Variants in NPFFR2 observed in about 807,000 individuals in gnomAD.
NPFFR2 encodes neuropeptide FF receptor 2.
In NPFFR2, 15 loss-of-function variants were observed where a neutral mutation model predicts 13.1. The observed-to-expected ratio is 1.15, with a 90% confidence interval of 0.77 to 1.76. The LOEUF (loss-of-function observed/expected upper bound fraction) is 1.76. Ranked by LOEUF, NPFFR2 falls within the 40% of genes most tolerant of loss-of-function variation. NPFFR2 has a pLI of 0.00. For missense variants in NPFFR2, 572 were observed against 503.5 expected (o/e 1.14, Z -1.30); for synonymous variants, 190 against 175.7 (o/e 1.08, Z -0.65).
intron 1 of NPFFR2, among the ~76,000 whole-genome samples, chr4:72,045,976 G>GAT (rs1339928370): frequency 6.6e-6 from 1 of 151,890 alleles, no homozygotes; most frequent in Non-Finnish European, 1.5e-5. Flanking sequence ...TGCATAAGGA[G>GAT]ATATATATAA....
intron 1 of NPFFR2, among the ~76,000 whole-genome samples, chr4:72,093,630 C>T (rs1720971215): frequency 7.2e-6 from 1 of 138,662 alleles, no homozygotes; most frequent in Non-Finnish European, 1.7e-5. Context: ...ATTGCTGAGA[C>T]TTTCCAGTGC....
chr4:72,087,430 A>T (rs1233161374), intron 1 of NPFFR2, among the ~76,000 whole-genome samples: 1 of 152,020 alleles, frequency 6.6e-6, no homozygotes, highest in Non-Finnish European at 1.5e-5. Context: ...TTATTTACAG[A>T]TATTGTTACA....
chr4:72,084,207 A>G (rs547074490), intron 1 of NPFFR2, among the ~76,000 whole-genome samples: 3 of 152,320 alleles, frequency 2.0e-5, no homozygotes, highest in East Asian at 1.9e-4. Context: ...GAAACACTTC[A>G]TATTAGGAAA....
intron 1 of NPFFR2, among the ~76,000 whole-genome samples, chr4:72,101,360 G>C (rs919508122): frequency 3.3e-5 from 5 of 151,800 alleles, no homozygotes; most frequent in African/African-American, 1.2e-4. Context: ...GATCAGAATA[G>C]ACTAGAATAG....
intron 1 of NPFFR2, among the ~76,000 whole-genome samples, chr4:72,062,844 G>A (rs1429437462): frequency 1.3e-5 from 2 of 152,170 alleles, no homozygotes; most frequent in Non-Finnish European, 2.9e-5. Context: ...AGAGAGGCCA[G>A]TTGAAATTAG....
In NPFFR2 at chr4:72,075,007, G is replaced by A. The variant is rs115272280; in HGVS notation, c.-8+42807G>A. Among the ~76,000 whole-genome samples, 901 of 152,208 alleles carry A rather than the reference G, an allele frequency of 5.9e-3. 5 individuals carry two copies. The highest frequency in any genetic ancestry group is 0.021 in the African/African-American group (866 of 41,554). ...TATTTTTTGTGATGGTTAATACTGAGTGTCAATTTGATTGGATTGACGAAT... is the reference window on the plus strand; with the variant it reads ...TATTTTTTGTGATGGTTAATACTGAATGTCAATTTGATTGGATTGACGAAT... On this transcript the variant is annotated intron_variant, in intron 1 of 3. Transcript: ENST00000308744.
intron 2 of NPFFR2, 35 bp from the exon 3 acceptor site, chr4:72,138,005 T>A: frequency 6.7e-7 from 1 of 1,482,860 alleles, no homozygotes; most frequent in Non-Finnish European, 9.4e-7. Context: ...TTTGAAAATA[T>A]GATCTTTTGA....
At chr4:72,051,118 G>T (rs1719560205) in intron 1 of NPFFR2, among the ~76,000 whole-genome samples, 1 of 151,848 alleles carries the variant, frequency 6.6e-6, no homozygotes, top group Admixed American at 6.6e-5. Context: ...AGTCCTCTGG[G>T]TATATACCCA....
chr4:72,064,027 G>C (rs1719997879), intron 1 of NPFFR2, among the ~76,000 whole-genome samples: 1 of 152,160 alleles, frequency 6.6e-6, no homozygotes, highest in African/African-American at 2.4e-5. Context: ...ATAAACAAAG[G>C]CATAGGGATG....
intron 1 of NPFFR2, among the ~76,000 whole-genome samples, chr4:72,108,878 C>T: frequency 6.6e-6 from 1 of 152,016 alleles, no homozygotes; most frequent in Non-Finnish European, 1.5e-5. Context: ...CTTCTCTGGA[C>T]AATCCATTTT....
At chr4:72,146,323 C>T (rs1018862670) in intron 3 of NPFFR2, among the ~76,000 whole-genome samples, 1 of 152,108 alleles carries the variant, frequency 6.6e-6, no homozygotes, top group African/African-American at 2.4e-5. Flanking sequence ...ATTCAAGCTT[C>T]TTGGAAATTG....
At chr4:72,127,627 T>G (rs2109833582) in intron 1 of NPFFR2, among the ~76,000 whole-genome samples, 1 of 150,986 alleles carries the variant, frequency 6.6e-6, no homozygotes, top group Admixed American at 6.6e-5. Flanking sequence ...CCTCCCAAAG[T>G]GCTGGGATTA....
intron 1 of NPFFR2, among the ~76,000 whole-genome samples, chr4:72,047,701 G>T (rs1203838555): frequency 6.6e-6 from 1 of 152,080 alleles, no homozygotes; most frequent in Non-Finnish European, 1.5e-5. Context: ...CACAGCAGAA[G>T]ATCCTAAATG....
chr4:72,101,281 A>G (rs1037655359), intron 1 of NPFFR2, among the ~76,000 whole-genome samples: 4 of 151,984 alleles, frequency 2.6e-5, no homozygotes, highest in Non-Finnish European at 4.4e-5. Flanking sequence ...TCCTATGCCT[A>G]TCCAATCTAA....
chr4:72,102,962 G>A (rs1190245888), intron 1 of NPFFR2, among the ~76,000 whole-genome samples: 1 of 152,058 alleles, frequency 6.6e-6, no homozygotes, highest in African/African-American at 2.4e-5. Flanking sequence ...GTTCCACAAT[G>A]GTTGAACTAG....
intron 1 of NPFFR2, among the ~76,000 whole-genome samples, chr4:72,038,947 C>T (rs1173692466): frequency 7.9e-6 from 1 of 126,336 alleles, no homozygotes; most frequent in African/African-American, 3.0e-5. Context: ...CTCTGTCGCC[C>T]AGGCTAGAGT....
At position 72,113,866 on chromosome 4, in the gene NPFFR2, T is replaced by G. The variant is rs558442685; in HGVS notation, c.-7-14719T>G. 2.0e-3 allele frequency among the ~76,000 whole-genome samples: 299 copies of G among 152,152 alleles called. 1 individual carries two copies. Among genetic ancestry groups the G allele is most frequent in the Middle Eastern group, 3.4e-3 (1 of 294 alleles). On this transcript the variant is annotated intron_variant, in intron 1 of 3. Coordinates refer to ENST00000308744, the MANE Select transcript of NPFFR2 (RefSeq NM_004885.3). The stretch of plus-strand genomic sequence containing the variant: ...GGTTGACTCACACAGCAGAGGAATA[T>G]TTAGTCTATAAAATATTGCCACCTT...
rs547613002 is a variant in NPFFR2 at position 72,045,442 on chromosome 4, AT to A, written c.-8+13248del. Among the ~76,000 whole-genome samples the A allele has an allele frequency of 1.2e-3, 179 of 152,232 alleles. 1 individual carries two copies. The highest frequency in any genetic ancestry group is 3.8e-3 in the African/African-American group (157 of 41,530). On this transcript the variant is annotated intron_variant, in intron 1 of 3. Coordinates refer to ENST00000308744, the MANE Select transcript of NPFFR2 (RefSeq NM_004885.3). ...TTTGGTTACTATAGCCTTATAATAT[AT>A]TTTTTAATCAAATAGTGTGATACTT...
At chr4:72,069,599 G>A (rs1405284800) in intron 1 of NPFFR2, among the ~76,000 whole-genome samples, 1 of 151,984 alleles carries the variant, frequency 6.6e-6, no homozygotes, top group Non-Finnish European at 1.5e-5. Flanking sequence ...TAAAACGTTT[G>A]CGATAAGACA....
Sources: allele counts gnomAD v4.1 joint callset (sites outside exome capture counted in the v4.1 genomes callset), GRCh38; gene constraint gnomAD v4.1.1; transcripts MANE v1.5; gene names NCBI Gene and HGNC (gene_info 2026-07-23, HGNC 2026-07-21).